Variants in CADM1 observed in about 807,000 individuals in gnomAD.
CADM1 encodes TSLC-1.
CADM1 carries 15 observed loss-of-function variants against 53.1 expected under a neutral mutation model. That is an observed-to-expected ratio of 0.28 (90% CI 0.19 to 0.44). The LOEUF is 0.44. CADM1 is among the 20% of genes least tolerant of loss of function. The probability of loss-of-function intolerance (pLI) is 1.00; values close to 1 mark genes in which losing one functional copy is unlikely to be tolerated. For missense variants in CADM1, 434 were observed against 611.3 expected (o/e 0.71, Z 3.06); for synonymous variants, 281 against 243.0 (o/e 1.16, Z -1.45).
intron 1 of CADM1, among the ~76,000 whole-genome samples, chr11:115,297,073 C>T (rs1408882023): frequency 6.6e-6 from 1 of 152,220 alleles, no homozygotes; most frequent in Admixed American, 6.5e-5. Flanking sequence ...TCCTATAGTA[C>T]ATTCCCCTCC....
At chr11:115,407,617 G>A (rs1328351745) in intron 1 of CADM1, among the ~76,000 whole-genome samples, 1 of 152,162 alleles carries the variant, frequency 6.6e-6, no homozygotes, top group Non-Finnish European at 1.5e-5. Context: ...GAGTTGGCCA[G>A]GAACGGTGGC....
intron 1 of CADM1, among the ~76,000 whole-genome samples, chr11:115,456,697 A>C (rs1217081384): frequency 6.6e-6 from 1 of 152,174 alleles, no homozygotes; most frequent in African/African-American, 2.4e-5. Context: ...TAAATCACTA[A>C]AATCCCTTAT....
intron 1 of CADM1, among the ~76,000 whole-genome samples, chr11:115,472,932 CA>C (rs1565444441): frequency 6.6e-6 from 1 of 152,130 alleles, no homozygotes; most frequent in Non-Finnish European, 1.5e-5. Flanking sequence ...ATCTACTTGT[CA>C]TATGTACTCT....
intron 1 of CADM1, among the ~76,000 whole-genome samples, chr11:115,380,190 A>C (rs987420055): frequency 1.4e-5 from 2 of 148,072 alleles, no homozygotes; most frequent in Admixed American, 6.9e-5. Flanking sequence ...TTTGGAATAT[A>C]AGTCAAACAG....
Position 115,375,842 on chromosome 11 carries a change from C to T in CADM1, c.124+128429G>A, listed in dbSNP as rs138354617. On this transcript the variant is annotated intron_variant, in intron 1 of 11. Transcript: ENST00000331581. Reference sequence around the variant, plus strand: ...TTATAATTTCTCTTAACAAGTCTCTCGAATAAGCTATAAATACTCAACTTA... The same window carrying T: ...TTATAATTTCTCTTAACAAGTCTCTTGAATAAGCTATAAATACTCAACTTA... 3.9e-5 allele frequency among the ~76,000 whole-genome samples: 6 copies of T among 152,096 alleles called. No homozygotes were observed. The East Asian group carries it at 9.6e-4, about 24-fold the overall frequency.
chr11:115,485,945 T>C (rs921429390), intron 1 of CADM1, among the ~76,000 whole-genome samples: 1 of 152,218 alleles, frequency 6.6e-6, no homozygotes, highest in African/African-American at 2.4e-5. Context: ...ACCAAGTTCA[T>C]TGCATTCCCT....
intron 1 of CADM1, chr11:115,339,847 C>A (rs1313223987): frequency 6.6e-6 from 1 of 152,110 alleles, no homozygotes; most frequent in African/African-American, 2.4e-5. Flanking sequence ...AGCTCGGACA[C>A]AAACCCTCTT....
chr11:115,360,002 T>A lies in CADM1; in HGVS notation c.125-119582A>T, dbSNP rs56772855. On this transcript the variant is annotated intron_variant, in intron 1 of 11. Transcript: ENST00000331581. ...AATAAAAACCACAACAATGGTTATA[T>A]CCATTCATTGTTCACCTACTATGTG... 7.9e-5 allele frequency among the ~76,000 whole-genome samples: 12 copies of A among 152,342 alleles called. No homozygotes were observed. In the East Asian group the frequency reaches 2.3e-3, roughly 29 times the overall value.
At chr11:115,282,291 G>A (rs1943608297) in intron 1 of CADM1, among the ~76,000 whole-genome samples, 1 of 152,124 alleles carries the variant, frequency 6.6e-6, no homozygotes, top group Non-Finnish European at 1.5e-5. Flanking sequence ...AGCCAAACTG[G>A]TACCCAAGCC....
chr11:115,421,231 G>C (rs1406655279), intron 1 of CADM1, among the ~76,000 whole-genome samples: 6 of 151,996 alleles, frequency 3.9e-5, no homozygotes, highest in African/African-American at 1.4e-4. Context: ...CACAGAAACA[G>C]AGAGTCAAAC....
At chr11:115,234,920 A>AT (rs1491336656) in intron 3 of CADM1, among the ~76,000 whole-genome samples, 1 of 146,420 alleles carries the variant, frequency 6.8e-6, no homozygotes, top group Non-Finnish European at 1.5e-5. Flanking sequence ...AAAAAAAAAA[A>AT]ATTTGCCCAG....
intron 1 of CADM1, among the ~76,000 whole-genome samples, chr11:115,484,870 C>T (rs891400508): frequency 6.6e-6 from 1 of 151,708 alleles, no homozygotes; most frequent in South Asian, 2.1e-4. Context: ...TGGCGTGGAA[C>T]CGGGAGGCAG....
intron 1 of CADM1, among the ~76,000 whole-genome samples, chr11:115,486,288 T>C (rs1334739939): frequency 6.6e-6 from 1 of 152,206 alleles, no homozygotes; most frequent in Non-Finnish European, 1.5e-5. Context: ...AAAACCAACC[T>C]GATGTTACTT....
At chr11:115,295,534 A>ATTATATATATATATATTATATATATATAT (rs1565349293) in intron 1 of CADM1, among the ~76,000 whole-genome samples, 1 of 85,706 alleles carries the variant, frequency 1.2e-5, no homozygotes, top group African/African-American at 8.5e-5. Flanking sequence ...ATATATATAT[A>ATTATATATATATATATTATATATATATAT]TATATATATA....
intron 9 of CADM1, among the ~76,000 whole-genome samples, chr11:115,196,115 A>G (rs531531538): frequency 1.3e-5 from 2 of 152,302 alleles, no homozygotes; most frequent in South Asian, 2.1e-4. Flanking sequence ...ACTAATAGGA[A>G]GGCAGTTGCT....
At chr11:115,189,081 C>T (rs1253309699) in intron 10 of CADM1, among the ~76,000 whole-genome samples, 1 of 152,196 alleles carries the variant, frequency 6.6e-6, no homozygotes, top group Non-Finnish European at 1.5e-5. Flanking sequence ...TTCTACATGA[C>T]TTACGGCTCC....
intron 3 of CADM1, among the ~76,000 whole-genome samples, chr11:115,232,745 T>C (rs1309809732): frequency 3.9e-5 from 6 of 152,216 alleles, no homozygotes; most frequent in Non-Finnish European, 7.3e-5. Flanking sequence ...ACCTCAGGAC[T>C]GAGCCTGTTG....
chr11:115,425,959 G>A (rs570440079), intron 1 of CADM1, among the ~76,000 whole-genome samples: 10 of 152,264 alleles, frequency 6.6e-5, no homozygotes, highest in East Asian at 3.9e-4. Context: ...AGGCCAAAGC[G>A]GGAACCCCAT....
At position 115,170,768 on chromosome 11, in the gene CADM1, G is replaced by A. The variant is rs1391646436; in HGVS notation, c.*5706C>T. On this transcript the variant is annotated 3_prime_UTR_variant, in exon 12 of 12. Coordinates refer to ENST00000331581, the MANE Select transcript of CADM1 (RefSeq NM_001301043.2). ...GATAGCAATACTAAGGCTTTGCTTGGCCATTACCCAAAATGATATTCCCTG... is the reference window on the plus strand; with the variant it reads ...GATAGCAATACTAAGGCTTTGCTTGACCATTACCCAAAATGATATTCCCTG... The A allele has an allele frequency of 6.6e-6, 1 of 152,186 alleles. No individual in the cohort carries two copies. Among genetic ancestry groups the A allele is most frequent in the East Asian group, 1.9e-4 (1 of 5,196 alleles). 9.4% of individuals were successfully genotyped at this position (152,186 alleles called of 1,614,324 possible). A position where few individuals can be genotyped will look rare whatever the true frequency, so the allele number is the denominator to read the frequency against.
Sources: allele counts gnomAD v4.1 joint callset (sites outside exome capture counted in the v4.1 genomes callset), GRCh38; gene constraint gnomAD v4.1.1; transcripts MANE v1.5; gene names NCBI Gene and HGNC (gene_info 2026-07-23, HGNC 2026-07-21).